PCDH11X: variants seen among roughly 807,000 people sequenced by gnomAD.
PCDH11X encodes protocadherin 11 X-linked, also known as protocadherin-11 X-linked.
Under a neutral mutation model 53.3 loss-of-function variants are expected in PCDH11X, and 18 were observed. The observed-to-expected ratio is 0.34, with a 90% confidence interval of 0.23 to 0.50. The LOEUF (loss-of-function observed/expected upper bound fraction) is 0.50. Ranked by LOEUF, PCDH11X falls within the 20% of genes least tolerant of loss-of-function variation. The pLI, the probability that PCDH11X is intolerant of heterozygous loss-of-function variation, is 0.98. For missense variants in PCDH11X, 570 were observed against 1,032.4 expected (o/e 0.55, Z 6.14); for synonymous variants, 279 against 393.3 (o/e 0.71, Z 3.44).
intron 6 of PCDH11X, among the ~76,000 whole-genome samples, chrX:91,934,824 A>C (rs961352975): frequency 9.3e-6 from 1 of 108,016 alleles, no homozygotes; most frequent in African/African-American, 3.4e-5. Flanking sequence ...ACCTTTTGTT[A>C]TTCTTCATTG....
chrX:92,338,411 A>G (rs1337711572), intron 8 of PCDH11X, among the ~76,000 whole-genome samples: 1 of 110,923 alleles, frequency 9.0e-6, no homozygotes, highest in Non-Finnish European at 1.9e-5. Context: ...TTGAGCCTGG[A>G]GACTGAGACA....
intron 6 of PCDH11X, among the ~76,000 whole-genome samples, chrX:91,915,864 A>T (rs1200116029): frequency 2.7e-5 from 3 of 111,391 alleles, no homozygotes; most frequent in African/African-American, 9.8e-5. Context: ...TATTTGCAGA[A>T]CATTTCCCCA....
intron 9 of PCDH11X, among the ~76,000 whole-genome samples, chrX:92,446,746 AC>A (rs1213845160): frequency 3.6e-5 from 4 of 111,670 alleles, no homozygotes; most frequent in South Asian, 3.7e-4. Context: ...CTGAAAAGAT[AC>A]CCGAAAATGT....
chrX:91,986,657 G>A (rs1008775913), intron 6 of PCDH11X, among the ~76,000 whole-genome samples: 1 of 107,701 alleles, frequency 9.3e-6, no homozygotes, highest in Non-Finnish European at 1.9e-5. Flanking sequence ...TCCTCAAAGC[G>A]ACTCTGCATT....
intron 4 of PCDH11X, among the ~76,000 whole-genome samples, chrX:91,825,666 G>A (rs1237761531): frequency 3.7e-5 from 4 of 108,754 alleles, no homozygotes; most frequent in South Asian, 7.6e-4. Flanking sequence ...GCTGTAGACC[G>A]GAGCTGTTCC....
intron 9 of PCDH11X, among the ~76,000 whole-genome samples, chrX:92,447,784 C>T (rs1442040571): frequency 4.4e-5 from 5 of 112,513 alleles, no homozygotes; most frequent in South Asian, 3.7e-4. Flanking sequence ...GCTTGCACTG[C>T]GTGCCTGGAA....
At chrX:92,065,750 T>C (rs906787043) in intron 6 of PCDH11X, among the ~76,000 whole-genome samples, 2 of 109,498 alleles carry the variant, frequency 1.8e-5, no homozygotes, top group Non-Finnish European at 3.8e-5. Context: ...TTATATATTC[T>C]GATTATGAAT....
At position 91,996,140 on chromosome X, in the gene PCDH11X, CT is replaced by C. The variant is rs753881311; in HGVS notation, c.3033+116890del. Among the ~76,000 whole-genome samples, 172 of 66,599 alleles carry C rather than the reference CT, an allele frequency of 2.6e-3. 1 individual carries two copies. Among genetic ancestry groups the C allele is most frequent in the African/African-American group, 7.5e-3 (124 of 16,528 alleles). The allele number at this position is 66,599 out of a possible 115,157, so 57.8% of individuals were successfully genotyped here. On this transcript the variant is annotated intron_variant, in intron 6 of 10. Transcript: ENST00000682573. ...ACAGGCATGAGCCACCACGCCTGGC[CT>C]TTTTTTTTTTTTTTTTTTTTTTGAG...
At chrX:92,041,372 G>T (rs1245088569) in intron 6 of PCDH11X, among the ~76,000 whole-genome samples, 1 of 111,116 alleles carries the variant, frequency 9.0e-6, no homozygotes, top group Non-Finnish European at 1.9e-5. Flanking sequence ...ATTATTCTAC[G>T]GTAAGAGAGT....
chrX:92,394,961 G>C, intron 9 of PCDH11X, among the ~76,000 whole-genome samples: 1 of 111,427 alleles, frequency 9.0e-6, no homozygotes. Context: ...TAGACCATCT[G>C]TCTTACCATG....
At chrX:92,116,677 C>T (rs1174509687) in intron 6 of PCDH11X, among the ~76,000 whole-genome samples, 2 of 111,172 alleles carry the variant, frequency 1.8e-5, no homozygotes, top group Non-Finnish European at 3.8e-5. Flanking sequence ...ACTCCCCCTC[C>T]TAGGCTCAAG....
At chrX:91,936,469 T>C (rs888393772) in intron 6 of PCDH11X, among the ~76,000 whole-genome samples, 5 of 108,848 alleles carry the variant, frequency 4.6e-5, no homozygotes, top group Non-Finnish European at 9.6e-5. Flanking sequence ...CCCTTACAAC[T>C]TACAATCGTA....
chrX:91,794,892 C>T (rs1213480271), intron 1 of PCDH11X, among the ~76,000 whole-genome samples: 1 of 110,402 alleles, frequency 9.1e-6, no homozygotes, highest in Non-Finnish European at 1.9e-5. Flanking sequence ...CTGTGCTGTT[C>T]TCATGATAGT....
chrX:91,877,677 C>T lies in PCDH11X; in HGVS notation c.1437C>T (p.Asn479=), dbSNP rs375364508. The stretch of plus-strand genomic sequence containing the variant: ...TAACTGTTTCTATTCCTGAGAATAA[C>T]TCTCCTGGCATCCAGTTGACGAAAG... The part of the protein sequence containing the change: ...SFVTVSIPEN[N]SPGIQLTKVS... Residue 479 remains asparagine (N), a synonymous_variant, in exon 6 of 11, where the codon AAC becomes AAT. Coordinates refer to ENST00000682573, the MANE Select transcript of PCDH11X (RefSeq NM_032968.5). 10 of 1,211,219 alleles carry T rather than the reference C, an allele frequency of 8.3e-6. No individual in the cohort carries two copies. The South Asian group carries it at 1.1e-4, about 13-fold the overall frequency.
intron 1 of PCDH11X, among the ~76,000 whole-genome samples, chrX:91,795,232 C>T (rs1388135319): frequency 8.9e-5 from 10 of 111,743 alleles, no homozygotes; most frequent in Non-Finnish European, 1.5e-4. Context: ...GAGCTATGAA[C>T]AGTTACACCT....
intron 6 of PCDH11X, among the ~76,000 whole-genome samples, chrX:91,980,412 A>T (rs923014106): frequency 9.6e-6 from 1 of 103,898 alleles, no homozygotes; most frequent in African/African-American, 3.5e-5. Context: ...CTTTTGATGG[A>T]TATCTTAGGG....
chrX:91,920,605 C>A (rs1941709127), intron 6 of PCDH11X, among the ~76,000 whole-genome samples: 1 of 111,284 alleles, frequency 9.0e-6, no homozygotes, highest in South Asian at 3.8e-4. Flanking sequence ...TCACCAAAAT[C>A]AAGAATTGTG....
chrX:91,824,067 T>G (rs1254490041), intron 4 of PCDH11X, among the ~76,000 whole-genome samples: 2 of 111,758 alleles, frequency 1.8e-5, no homozygotes, highest in African/African-American at 6.5e-5. Context: ...TGGGCTTCCC[T>G]ATGAGGGTGA....
intron 6 of PCDH11X, among the ~76,000 whole-genome samples, chrX:92,029,807 T>A (rs1419740688): frequency 8.9e-6 from 1 of 111,950 alleles, no homozygotes; most frequent in African/African-American, 3.2e-5. Flanking sequence ...TTGAACATAA[T>A]TTTTCATAAT....
Sources: gnomAD v4.1 joint callset for allele counts (sites outside exome capture counted in the v4.1 genomes callset) on GRCh38, gnomAD v4.1.1 for gene constraint, MANE v1.5 for transcripts, NCBI Gene and HGNC (gene_info 2026-07-23, HGNC 2026-07-21) for gene names.